The following PELI2 variants were observed in gnomAD, a reference collection of about 807,000 sequenced individuals.
The protein encoded by PELI2 is pellino E3 ubiquitin protein ligase family member 2.
In PELI2, 23 loss-of-function variants were observed where a neutral mutation model predicts 42.3. The ratio of observed to expected loss-of-function variants is 0.54; its 90% CI spans 0.39 to 0.77. PELI2 has a LOEUF of 0.77. Among genes scored for constraint, PELI2 ranks in the 30% least tolerant of loss-of-function variants. PELI2 has a pLI of 0.00. For missense variants in PELI2, 463 were observed against 553.2 expected (o/e 0.84, Z 1.64); for synonymous variants, 245 against 212.2 (o/e 1.15, Z -1.34).
intron 1 of PELI2, among the ~76,000 whole-genome samples, chr14:56,141,151 G>A (rs1369461360): frequency 1.3e-5 from 2 of 152,176 alleles, no homozygotes; most frequent in African/African-American, 4.8e-5. Context: ...GGATTCCGTT[G>A]CATAGATGAA....
chr14:56,301,511 T>G lies in PELI2; in HGVS notation c.*4345T>G, dbSNP rs776158680. 6.6e-6 allele frequency: 1 copy of G among 152,240 alleles called. No homozygotes were observed. Among genetic ancestry groups the G allele is most frequent in the Non-Finnish European group, 1.5e-5 (1 of 68,036 alleles). 9.4% of individuals were successfully genotyped at this position (152,240 alleles called of 1,614,324 possible). On this transcript the variant is annotated 3_prime_UTR_variant, in exon 6 of 6. Coordinates refer to ENST00000267460, the MANE Select transcript of PELI2 (RefSeq NM_021255.3). ...CCCTACATTTTTTAATTAAAGAAAT[T>G]TCCTTGGTGCCTATATTACTATTTC...
intron 2 of PELI2, among the ~76,000 whole-genome samples, chr14:56,192,420 G>T (rs959455034): frequency 2.0e-5 from 3 of 152,202 alleles, no homozygotes; most frequent in Non-Finnish European, 4.4e-5. Flanking sequence ...GTTTGGGCCA[G>T]ATAATCTTTG....
chr14:56,269,419 G>A (rs1316872539), intron 2 of PELI2, among the ~76,000 whole-genome samples: 1 of 151,162 alleles, frequency 6.6e-6, no homozygotes, highest in East Asian at 1.9e-4. Flanking sequence ...CTCCAGCCAA[G>A]GTGACAGAGT....
At chr14:56,265,492 T>C (rs1050076557) in intron 2 of PELI2, among the ~76,000 whole-genome samples, 1 of 152,062 alleles carries the variant, frequency 6.6e-6, no homozygotes, top group Non-Finnish European at 1.5e-5. Context: ...TAAAACTAAA[T>C]ATAAAACTTC....
At chr14:56,174,821 T>G (rs1252684553) in intron 1 of PELI2, among the ~76,000 whole-genome samples, 1 of 152,142 alleles carries the variant, frequency 6.6e-6, no homozygotes, top group Non-Finnish European at 1.5e-5. Context: ...AGTGTGAGAA[T>G]GGACTAATAC....
At chr14:56,185,140 A>G (rs555705175) in intron 2 of PELI2, among the ~76,000 whole-genome samples, 1 of 152,230 alleles carries the variant, frequency 6.6e-6, no homozygotes, top group South Asian at 2.1e-4. Flanking sequence ...TTAGGTGATT[A>G]TCCTATTATA....
chr14:56,142,087 T>C (rs1450092189), intron 1 of PELI2, among the ~76,000 whole-genome samples: 1 of 152,206 alleles, frequency 6.6e-6, no homozygotes, highest in Non-Finnish European at 1.5e-5. Context: ...AAGACGTCAC[T>C]GTGGGCTCAT....
chr14:56,251,623 A>G (rs979118424), intron 2 of PELI2, among the ~76,000 whole-genome samples: 5 of 152,100 alleles, frequency 3.3e-5, no homozygotes, highest in African/African-American at 9.7e-5. Flanking sequence ...CCCCTGTTTG[A>G]TTCCACACCC....
intron 2 of PELI2, among the ~76,000 whole-genome samples, chr14:56,221,114 A>G (rs753447244): frequency 1.3e-5 from 2 of 152,188 alleles, no homozygotes; most frequent in Non-Finnish European, 2.9e-5. Context: ...GTTGCATTTC[A>G]TAGACTGCAC....
chr14:56,178,269 T>C, intron 1 of PELI2, 66 bp from the exon 2 acceptor site: 1 of 1,554,904 alleles, frequency 6.4e-7, no homozygotes, highest in Non-Finnish European at 8.8e-7. Context: ...ATTCAATACC[T>C]CTAACTTTTA....
chr14:56,174,997 T>C (rs768883680), intron 1 of PELI2, among the ~76,000 whole-genome samples: 5 of 152,146 alleles, frequency 3.3e-5, no homozygotes, highest in Non-Finnish European at 1.5e-5. Flanking sequence ...CTTAGATTTC[T>C]TTTTCTTTCT....
intron 2 of PELI2, among the ~76,000 whole-genome samples, chr14:56,185,597 A>C (rs1353403379): frequency 1.3e-5 from 2 of 152,218 alleles, no homozygotes; most frequent in Admixed American, 6.5e-5. Context: ...TTTAAAATTA[A>C]AATTTGAGGT....
At chr14:56,228,434 T>A (rs548904444) in intron 2 of PELI2, among the ~76,000 whole-genome samples, 93 of 152,358 alleles carry the variant, frequency 6.1e-4, no homozygotes, top group African/African-American at 2.1e-3. Context: ...TAATTTTTAT[T>A]CAAGGATACC....
At position 56,130,924 on chromosome 14, in the gene PELI2, C is replaced by T. The variant is rs146320080; in HGVS notation, c.77+12187C>T. ...TCTTTCTTCTTGCTTTTGTTGCTGT[C>T]GTTGGTAATTTAGGCTAGCATTTGT... On this transcript the variant is annotated intron_variant, in intron 1 of 5. Coordinates refer to ENST00000267460, the MANE Select transcript of PELI2 (RefSeq NM_021255.3). Among the ~76,000 whole-genome samples the T allele has an allele frequency of 3.5e-3, 533 of 152,186 alleles. 5 individuals carry two copies. Among genetic ancestry groups the T allele is most frequent in the African/African-American group, 0.011 (454 of 41,514 alleles).
chr14:56,138,316 C>G (rs1485247490), intron 1 of PELI2, among the ~76,000 whole-genome samples: 1 of 152,176 alleles, frequency 6.6e-6, no homozygotes, highest in Non-Finnish European at 1.5e-5. Context: ...TAGTGCATTT[C>G]TACATAGATT....
intron 2 of PELI2, among the ~76,000 whole-genome samples, chr14:56,256,621 G>A (rs1888535351): frequency 6.6e-6 from 1 of 152,120 alleles, no homozygotes; most frequent in African/African-American, 2.4e-5. Flanking sequence ...TGGAGATGAA[G>A]TCTGCTTTTC....
chr14:56,264,771 T>C (rs1888838329), intron 2 of PELI2, among the ~76,000 whole-genome samples: 1 of 152,196 alleles, frequency 6.6e-6, no homozygotes, highest in Non-Finnish European at 1.5e-5. Context: ...CAGAAAACAA[T>C]TATTTGATCA....
chr14:56,220,605 T>C (rs1352914213), intron 2 of PELI2, among the ~76,000 whole-genome samples: 1 of 152,150 alleles, frequency 6.6e-6, no homozygotes, highest in Non-Finnish European at 1.5e-5. Context: ...TTTGCACTTT[T>C]GGTTTGAAAT....
chr14:56,292,236 G>A (rs550941115), intron 5 of PELI2, among the ~76,000 whole-genome samples: 1 of 152,296 alleles, frequency 6.6e-6, no homozygotes, highest in South Asian at 2.1e-4. Context: ...GTAAAATTGT[G>A]CTGTCCTATT....
Sources: allele counts gnomAD v4.1 joint callset (sites outside exome capture counted in the v4.1 genomes callset), GRCh38; gene constraint gnomAD v4.1.1; transcripts MANE v1.5; gene names NCBI Gene and HGNC (gene_info 2026-07-23, HGNC 2026-07-21).